PLPPR3: variants seen among roughly 807,000 people sequenced by gnomAD.
PLPPR3 encodes phospholipid phosphatase-related protein type 3.
PLPPR3 carries 14 observed loss-of-function variants against 27.3 expected under a neutral mutation model. That is an observed-to-expected ratio of 0.51 (90% CI 0.34 to 0.80). The LOEUF is 0.80. Among genes scored for constraint, PLPPR3 ranks in the 30% least tolerant of loss-of-function variants. The pLI, the probability that PLPPR3 is intolerant of heterozygous loss-of-function variation, is 0.01. For missense variants in PLPPR3, 1,287 were observed against 1,056.9 expected (o/e 1.22, Z -3.02); for synonymous variants, 671 against 508.0 (o/e 1.32, Z -4.32).
upstream of PLPPR3, among the ~76,000 whole-genome samples, chr19:822,803 G>C (rs1207672732): frequency 6.6e-6 from 1 of 152,190 alleles, no homozygotes; most frequent in Non-Finnish European, 1.5e-5. Flanking sequence ...AGGTCTCCGG[G>C]CCCCAAACGG....
chr19:818,424 A>G (rs527872539), intron 2 of PLPPR3, among the ~76,000 whole-genome samples: 5 of 151,856 alleles, frequency 3.3e-5, no homozygotes, highest in African/African-American at 9.7e-5. Flanking sequence ...AATAAGGCCG[A>G]CCGCAGTGGC....
intron 2 of PLPPR3, among the ~76,000 whole-genome samples, chr19:820,859 T>C (rs1440955377): frequency 2.0e-5 from 3 of 151,722 alleles, no homozygotes; most frequent in African/African-American, 4.8e-5. Flanking sequence ...GGTTTCACCA[T>C]GTTGGCTAGG....
chr19:816,449 CCCAT>C (rs1380607862), intron 2 of PLPPR3, among the ~76,000 whole-genome samples: 2 of 148,812 alleles, frequency 1.3e-5, no homozygotes, highest in African/African-American at 2.5e-5. Flanking sequence ...TACCCACCTA[CCCAT>C]CCATCCAACC....
intron 5 of PLPPR3, 26 bp from the exon 6 acceptor site, chr19:814,775 C>T: frequency 1.3e-6 from 2 of 1,559,342 alleles, no homozygotes; most frequent in African/African-American, 1.3e-5. Context: ...AGCGTGAGCC[C>T]CGCCCACCTG....
intron 2 of PLPPR3, among the ~76,000 whole-genome samples, chr19:818,130 C>A (rs1488236938): frequency 2.0e-5 from 3 of 152,138 alleles, no homozygotes; most frequent in Non-Finnish European, 2.9e-5. Flanking sequence ...CGCCTGTCAT[C>A]CCAGCACTTT....
chr19:814,626 G>C lies in PLPPR3; in HGVS notation c.658-19C>G, dbSNP rs915108784. 1.6e-5 allele frequency: 25 copies of C among 1,611,100 alleles called. No homozygotes were observed. The highest frequency in any genetic ancestry group is 2.0e-5 in the Non-Finnish European group (24 of 1,179,978). On this transcript the variant is annotated intron_variant, in intron 6 of 7. Transcript: ENST00000520876. ...AGTACATCTGGGGCATGGGGGTTGG[G>C]GTCAGGGAGGGCTCCCCACGGGTCA...
chr19:812,655 C>T lies in PLPPR3; in HGVS notation c.2072G>A (p.Gly691Asp). The T allele has an allele frequency of 1.9e-6, 2 of 1,079,104 alleles. No individual in the cohort carries two copies. Among genetic ancestry groups the T allele is most frequent in the South Asian group, 2.7e-5 (1 of 37,126 alleles). The allele number at this position is 1,079,104 out of a possible 1,614,324, so 66.8% of individuals were successfully genotyped here. Residue 691 changes from glycine (G) to aspartate (D), a missense_variant, in exon 8 of 8, where the codon GGC (glycine) becomes GAC (aspartate). By Grantham distance (94) the Gly-to-Asp change is moderately conservative. Coordinates refer to ENST00000520876, the MANE Select transcript of PLPPR3 (RefSeq NM_001270366.2). ...SRESTLRRHA[G>D]GLGLAEREAE... is the part of the protein sequence containing the mutation. ...CTCGCGCTCCGCCAGCCCCAGGCCGCCCGCGTGGCGCCGCAGCGTGGACTC... is the reference window on the plus strand; with the variant it reads ...CTCGCGCTCCGCCAGCCCCAGGCCGTCCGCGTGGCGCCGCAGCGTGGACTC...
In PLPPR3 at chr19:812,499, C is replaced by A; in HGVS notation, c.*71G>T. On this transcript the variant is annotated 3_prime_UTR_variant, in exon 8 of 8. Coordinates refer to ENST00000520876, the MANE Select transcript of PLPPR3 (RefSeq NM_001270366.2). Reference sequence around the variant, plus strand: ...CCAAGAGCCGGACCTCGGTTTCTGCCGCTTTATTGAGCATCCGCGCGGCCG... The same window carrying A: ...CCAAGAGCCGGACCTCGGTTTCTGCAGCTTTATTGAGCATCCGCGCGGCCG... 3 of 980,100 alleles carry A rather than the reference C, an allele frequency of 3.1e-6. No individual in the cohort carries two copies. Among genetic ancestry groups the A allele is most frequent in the South Asian group, 9.2e-5 (2 of 21,856 alleles). The allele number at this position is 980,100 out of a possible 1,614,324, so 60.7% of individuals were successfully genotyped here.
At position 813,559 on chromosome 19, in the gene PLPPR3, G is replaced by A; in HGVS notation, c.1168C>T (p.Arg390Cys). ...GGCACGTGGATGGTCATGTGGCGGC[G>A]CGCGGGGTCGTCCAGCGAGGGCGCG... ...ASAPSLDDPARRHMTIHVPLD... is the reference protein window; with the variant it reads ...ASAPSLDDPACRHMTIHVPLD... Residue 390 changes from arginine (R) to cysteine (C), a missense_variant, in exon 8 of 8, where the codon CGC becomes TGC. Arg to Cys is a radical substitution (Grantham distance 180, BLOSUM62 -3). Transcript: ENST00000520876. This position sits in a 1 kb window ranked among gnomAD's most constrained non-coding sequence, Gnocchi z 4.1. The A allele has an allele frequency of 6.4e-7, 1 of 1,559,572 alleles. No homozygotes were observed. The highest frequency in any genetic ancestry group is 8.7e-7 in the Non-Finnish European group (1 of 1,154,138).
At chr19:823,675 G>T (rs926695772), upstream of PLPPR3, among the ~76,000 whole-genome samples, 7 of 152,210 alleles carry the variant, frequency 4.6e-5, no homozygotes, top group Non-Finnish European at 1.5e-5. Flanking sequence ...ACTGCCTGGG[G>T]AGGGGTCTTT....
intron 2 of PLPPR3, among the ~76,000 whole-genome samples, chr19:820,955 C>A (rs1263163750): frequency 1.3e-5 from 2 of 152,256 alleles, no homozygotes; most frequent in South Asian, 2.1e-4. Context: ...CCGCACAGGG[C>A]AAGGGGTTCC....
At chr19:815,495 C>T (rs1466262002) in intron 3 of PLPPR3, among the ~76,000 whole-genome samples, 168 bp from the exon 4 acceptor site, 4 of 150,758 alleles carry the variant, frequency 2.7e-5, no homozygotes, top group Non-Finnish European at 5.9e-5. Flanking sequence ...GCACAGGCCC[C>T]GGTGTGGATG....
intron 7 of PLPPR3, 152 bp downstream of exon 7, chr19:814,282 G>C (rs1195244237): frequency 3.5e-6 from 2 of 570,426 alleles, no homozygotes; most frequent in Non-Finnish European, 5.3e-6. Context: ...TCACCCCTCA[G>C]GCTACCAGCC....
At position 813,489 on chromosome 19, in the gene PLPPR3, T is replaced by C; in HGVS notation, c.1238A>G (p.Gln413Arg). Residue 413 changes from glutamine to arginine, a missense_variant, in exon 8 of 8, where the codon CAG (glutamine) becomes CGG (arginine). Coordinates refer to ENST00000520876, the MANE Select transcript of PLPPR3 (RefSeq NM_001270366.2). The surrounding 1 kb of genome is among the most constrained non-coding windows in gnomAD (Gnocchi z 4.1). ...RSKQLISEWK[Q>R]KSLEGRGLGL... ...CAGGCCGCGGCCCTCCAGGCTCTTC[T>C]GCTTCCACTCGCTGATGAGCTGCTT... 8 of 1,549,746 alleles carry C rather than the reference T, an allele frequency of 5.2e-6. No individual in the cohort carries two copies. The highest frequency in any genetic ancestry group is 6.9e-6 in the Non-Finnish European group (8 of 1,151,544).
Position 813,222 on chromosome 19 carries a change from T to C in PLPPR3, c.1505A>G (p.Gln502Arg). 1 of 1,485,312 alleles carries C rather than the reference T, an allele frequency of 6.7e-7. No individual in the cohort carries two copies. Among genetic ancestry groups the C allele is most frequent in the Non-Finnish European group, 8.9e-7 (1 of 1,129,862 alleles). The allele number at this position is 1,485,312 out of a possible 1,614,324, so 92.0% of individuals were successfully genotyped here. The change falls in exon 8 of 8, where the codon CAG becomes CGG. Residue 502 changes from glutamine (Q) to arginine (R), a missense_variant. Gln to Arg is a conservative substitution (Grantham distance 43). Coordinates refer to ENST00000520876, the MANE Select transcript of PLPPR3 (RefSeq NM_001270366.2). The surrounding 1 kb of genome is among the most constrained non-coding windows in gnomAD (Gnocchi z 4.1). The stretch of plus-strand genomic sequence containing the variant: ...TTTGGGGGACAGGCCGGCCCCCGTC[T>C]GCGCGCCCTCCTCCGGGATGTGCAC... ...PLVHIPEEGA[Q>R]TGAGLSPKSG...
chr19:818,746 G>A (rs899712989), intron 2 of PLPPR3, among the ~76,000 whole-genome samples: 48 of 152,106 alleles, frequency 3.2e-4, no homozygotes, highest in African/African-American at 1.1e-3. Context: ...TGTTAGCCAG[G>A]ATGGTCTCGA....
chr19:812,929 C>T lies in PLPPR3; in HGVS notation c.1798G>A (p.Ala600Thr). 7.5e-7 allele frequency: 1 copy of T among 1,340,344 alleles called. No homozygotes were observed. The allele number at this position is 1,340,344 out of a possible 1,614,324, so 83.0% of individuals were successfully genotyped here. ...HPVVHLSAGG[A>T]PWEWKAAGGG... The stretch of plus-strand genomic sequence containing the variant: ...CCCGCCGCCTTCCACTCCCAGGGCG[C>T]GCCGCCGGCCGACAGGTGCACCACG... The change falls in exon 8 of 8, where the codon GCG becomes ACG. Residue 600 changes from alanine (A) to threonine (T), a missense_variant. Coordinates refer to ENST00000520876, the MANE Select transcript of PLPPR3 (RefSeq NM_001270366.2).
chr19:815,449 CGGG>C lies in PLPPR3; in HGVS notation c.262-125_262-123del, dbSNP rs1319443702. The C allele has an allele frequency of 5.3e-6, 6 of 1,135,258 alleles. No individual in the cohort carries two copies. The African/African-American group carries it at 9.2e-5, about 17-fold the overall frequency. 70.3% of individuals were successfully genotyped at this position (1,135,258 alleles called of 1,614,324 possible). On this transcript the variant is annotated intron_variant, in intron 3 of 7. Transcript: ENST00000520876. ...CCGGTGTGGATGTTCACCGAGGTGG[CGGG>C]GGTGGGCTCCCAGCCGTGGTGCCCA...
upstream of PLPPR3, among the ~76,000 whole-genome samples, chr19:822,525 CG>C (rs1300082231): frequency 4.6e-5 from 7 of 152,150 alleles, no homozygotes; most frequent in Non-Finnish European, 1.0e-4. Context: ...CCCTTCCCCC[CG>C]CACTCACCCT....
Sources: allele counts gnomAD v4.1 joint callset (sites outside exome capture counted in the v4.1 genomes callset), GRCh38; gene constraint gnomAD v4.1.1; non-coding constraint Gnocchi (gnomAD v3.1); transcripts MANE v1.5; gene names NCBI Gene and HGNC (gene_info 2026-07-23, HGNC 2026-07-21).